Variants in PHAF1 observed in about 807,000 individuals in gnomAD.
PHAF1 encodes the protein phagosome assembly factor 1.
In PHAF1, 23 loss-of-function variants were observed where a neutral mutation model predicts 63.1. That is an observed-to-expected ratio of 0.36 (90% CI 0.26 to 0.52). PHAF1 has a LOEUF of 0.52. Ranked by LOEUF, PHAF1 falls within the 20% of genes least tolerant of loss-of-function variation. PHAF1 has a pLI of 0.93. For synonymous variants in PHAF1, 167 were observed against 185.0 expected (o/e 0.90, Z 0.79); for missense variants, 427 against 517.2 (o/e 0.83, Z 1.69).
Position 67,140,083 on chromosome 16 carries a change from C to T in PHAF1, c.761C>T (p.Ser254Phe). The change falls in exon 9 of 16, where the codon TCT (serine) becomes TTT (phenylalanine). Residue 254 changes from serine (S) to phenylalanine (F), a missense_variant. Transcript: ENST00000219139. Reference sequence around the variant, plus strand: ...CAAGATGTTCTTAGCATGCTTGGCTCTCCACACAAAGTCTTCTATAAATCA... The same window carrying T: ...CAAGATGTTCTTAGCATGCTTGGCTTTCCACACAAAGTCTTCTATAAATCA... ...SCQDVLSMLG[S>F]PHKVFYKSED... The T allele has an allele frequency of 6.2e-7, 1 of 1,614,072 alleles. No individual in the cohort carries two copies. Among genetic ancestry groups the T allele is most frequent in the Non-Finnish European group, 8.5e-7 (1 of 1,180,002 alleles).
At chr16:67,124,819 T>C (rs999268875) in intron 2 of PHAF1, among the ~76,000 whole-genome samples, 1 of 150,000 alleles carries the variant, frequency 6.7e-6, no homozygotes, top group Admixed American at 6.7e-5. Flanking sequence ...AGGAGAATGG[T>C]GTGAACCCAG....
intron 1 of PHAF1, among the ~76,000 whole-genome samples, chr16:67,119,820 G>A (rs775613809): frequency 6.6e-6 from 1 of 151,310 alleles, no homozygotes; most frequent in Admixed American, 6.6e-5. Context: ...AAGCCACCAC[G>A]CCCGGCCCAT....
chr16:67,137,762 G>T (rs1402752530), intron 8 of PHAF1, among the ~76,000 whole-genome samples: 1 of 152,208 alleles, frequency 6.6e-6, no homozygotes, highest in Non-Finnish European at 1.5e-5. Flanking sequence ...AGCAGGAGGA[G>T]CCTGTCGAGG....
At chr16:67,112,699 A>T (rs1328432706) in intron 1 of PHAF1, among the ~76,000 whole-genome samples, 1 of 152,188 alleles carries the variant, frequency 6.6e-6, no homozygotes, top group Non-Finnish European at 1.5e-5. Flanking sequence ...CACAGTTCTT[A>T]CAAACTGTCT....
chr16:67,111,990 T>C (rs1962536683), intron 1 of PHAF1, among the ~76,000 whole-genome samples: 1 of 152,178 alleles, frequency 6.6e-6, no homozygotes. Context: ...TGCAGAGTTC[T>C]TTCCAAAATA....
intron 2 of PHAF1, among the ~76,000 whole-genome samples, chr16:67,122,125 C>T (rs1351952641): frequency 6.6e-6 from 1 of 151,940 alleles, no homozygotes; most frequent in African/African-American, 2.4e-5. Context: ...GTCTCAAACT[C>T]CTGGACTCAA....
chr16:67,134,125 C>A, intron 6 of PHAF1, 43 bp from the exon 7 acceptor site: 1 of 1,510,452 alleles, frequency 6.6e-7, no homozygotes, highest in African/African-American at 1.4e-5. Context: ...TGAGTCCCAT[C>A]ACCTGTTGTG....
intron 2 of PHAF1, among the ~76,000 whole-genome samples, chr16:67,122,377 C>T (rs1963016397): frequency 6.6e-6 from 1 of 152,018 alleles, no homozygotes; most frequent in Admixed American, 6.6e-5. Flanking sequence ...TTCGGGAGGG[C>T]CGAGGCAGGA....
chr16:67,116,184 A>T (rs866070001), intron 1 of PHAF1, among the ~76,000 whole-genome samples: 1 of 152,162 alleles, frequency 6.6e-6, no homozygotes, highest in Admixed American at 6.5e-5. Context: ...CAGCTTGTTC[A>T]TATTCTCAAA....
intron 5 of PHAF1, 81 bp downstream of exon 5, chr16:67,132,606 C>A (rs752082096): frequency 2.9e-5 from 41 of 1,437,082 alleles, no homozygotes; most frequent in Non-Finnish European, 3.7e-5. Flanking sequence ...CATCCCACCC[C>A]ACTTCCTGGA....
intron 5 of PHAF1, 108 bp downstream of exon 5, chr16:67,132,633 A>G (rs1216590977): frequency 2.2e-6 from 3 of 1,336,572 alleles, no homozygotes; most frequent in Non-Finnish European, 3.2e-6. Flanking sequence ...CTCCCATAGG[A>G]TTGTGGGGTT....
In PHAF1 at chr16:67,147,530, C is replaced by T. The variant is rs1200784392; in HGVS notation, c.*399C>T. 3 of 193,816 alleles carry T rather than the reference C, an allele frequency of 1.5e-5. No individual in the cohort carries two copies. In the Admixed American group the frequency reaches 1.8e-4, roughly 12 times the overall value. The allele number at this position is 193,816 out of a possible 1,614,324, so 12.0% of individuals were successfully genotyped here. On this transcript the variant is annotated 3_prime_UTR_variant, in exon 16 of 16. Coordinates refer to ENST00000219139, the MANE Select transcript of PHAF1 (RefSeq NM_025187.5). ...GGACAAGGTCCTGCCTTTGGCTCCA[C>T]ATTGCCACATGACCCTTAAGGCAAG...
At chr16:67,128,733 T>C (rs1035885189) in intron 3 of PHAF1, among the ~76,000 whole-genome samples, 1 of 152,186 alleles carries the variant, frequency 6.6e-6, no homozygotes. Flanking sequence ...CTCCAAGAGA[T>C]GAAATCTGCT....
At chr16:67,113,684 C>A (rs920504679) in intron 1 of PHAF1, among the ~76,000 whole-genome samples, 3 of 151,122 alleles carry the variant, frequency 2.0e-5, no homozygotes, top group Admixed American at 6.6e-5. Context: ...CTCCTGACGT[C>A]GTGATCCGCC....
chr16:67,147,100 GT>G lies in PHAF1; in HGVS notation c.1239del (p.Ser414AlafsTer3), dbSNP rs963179454. 1 of 1,613,826 alleles carries G rather than the reference GT, an allele frequency of 6.2e-7. No individual in the cohort carries two copies. ...ACCCTGTATGGCCCCCCCAGGCCTG[GT>G]AGCCACCTGAGAACAGCGGAACTCC... ...SVTLYGPPRP[G>X]SHLRTAELP On this transcript the variant is annotated frameshift_variant, in exon 16 of 16. Transcript: ENST00000219139. LOFTEE classifies it high-confidence loss of function.
chr16:67,143,225 G>A (rs1963873378), intron 10 of PHAF1, among the ~76,000 whole-genome samples: 1 of 152,152 alleles, frequency 6.6e-6, no homozygotes, highest in Non-Finnish European at 1.5e-5. Flanking sequence ...ATAGTCAAGT[G>A]GCCTTCAGCC....
chr16:67,112,726 CAGTG>C (rs1246336351), intron 1 of PHAF1, among the ~76,000 whole-genome samples: 1 of 152,122 alleles, frequency 6.6e-6, no homozygotes, highest in Non-Finnish European at 1.5e-5. Flanking sequence ...CAACCAAAAA[CAGTG>C]AGAAGGGCAT....
At chr16:67,131,390 CT>C (rs1328054413) in intron 4 of PHAF1, 61 bp downstream of exon 4, 2 of 1,202,548 alleles carry the variant, frequency 1.7e-6, no homozygotes, top group Non-Finnish European at 2.4e-6. Flanking sequence ...TATCTACTAT[CT>C]TCATAAGTTA....
chr16:67,110,819 C>CT (rs991162143), intron 1 of PHAF1, among the ~76,000 whole-genome samples: 94 of 151,010 alleles, frequency 6.2e-4, no homozygotes, highest in East Asian at 3.5e-3. Flanking sequence ...TCTTTTTTTT[C>CT]TTTTTTTTTG....
Sources: allele counts gnomAD v4.1 joint callset (sites outside exome capture counted in the v4.1 genomes callset), GRCh38; gene constraint gnomAD v4.1.1; transcripts MANE v1.5; gene names NCBI Gene and HGNC (gene_info 2026-07-23, HGNC 2026-07-21).